Variants in PLPPR1 observed in about 807,000 individuals in gnomAD.
PLPPR1 encodes the protein phospholipid phosphatase related 1.
Under a neutral mutation model 33.1 loss-of-function variants are expected in PLPPR1, and 10 were observed. The ratio of observed to expected loss-of-function variants is 0.30; its 90% CI spans 0.19 to 0.51. PLPPR1 has a LOEUF of 0.51. PLPPR1 is among the 20% of genes least tolerant of loss of function. The pLI is 0.97. For missense variants in PLPPR1, 304 were observed against 408.1 expected, an observed-to-expected ratio of 0.74 and a Z score of 2.20; for synonymous variants, 151 against 151.0, an observed-to-expected ratio of 1.00 and a Z score of 0.00.
intron 3 of PLPPR1, among the ~76,000 whole-genome samples, chr9:101,270,603 T>C (rs1390652797): frequency 1.3e-5 from 2 of 152,186 alleles, no homozygotes; most frequent in Non-Finnish European, 2.9e-5. Context: ...TACATCACAT[T>C]AAATTAAGTT....
At chr9:101,045,117 T>C (rs1036266958) in intron 1 of PLPPR1, among the ~76,000 whole-genome samples, 11 of 152,166 alleles carry the variant, frequency 7.2e-5, no homozygotes, top group Non-Finnish European at 1.5e-4. Context: ...CACCAAGGTC[T>C]TGCCAGACAT....
chr9:101,157,441 G>A (rs1831710796), intron 1 of PLPPR1, among the ~76,000 whole-genome samples: 1 of 152,168 alleles, frequency 6.6e-6, no homozygotes, highest in African/African-American at 2.4e-5. Flanking sequence ...GTGCCTATAT[G>A]TGTCTAAATT....
At chr9:101,109,178 C>T (rs71509724) in intron 1 of PLPPR1, among the ~76,000 whole-genome samples, 17,939 of 143,148 alleles carry the variant, frequency 0.13, 1,304 homozygotes, top group East Asian at 0.36. Context: ...GGGGTTTCAC[C>T]GTAGCCAGGA....
At chr9:101,216,317 T>A (rs1415341111) in intron 2 of PLPPR1, among the ~76,000 whole-genome samples, 1 of 152,234 alleles carries the variant, frequency 6.6e-6, no homozygotes, top group Non-Finnish European at 1.5e-5. Context: ...TGGCCATTTG[T>A]ATGTCTTCTT....
intron 2 of PLPPR1, among the ~76,000 whole-genome samples, chr9:101,203,192 A>G (rs1826522953): frequency 1.3e-5 from 2 of 152,170 alleles, no homozygotes; most frequent in South Asian, 2.1e-4. Context: ...ATTCTTTCAC[A>G]TTATTGGTAT....
At chr9:101,172,643 A>G (rs1217645471) in intron 1 of PLPPR1, among the ~76,000 whole-genome samples, 1 of 152,014 alleles carries the variant, frequency 6.6e-6, no homozygotes, top group Non-Finnish European at 1.5e-5. Context: ...TGAAGACTCA[A>G]GGTCCCTCTG....
chr9:101,238,293 C>CTATATATATATATATATATATATATATA (rs1307945596), intron 2 of PLPPR1, among the ~76,000 whole-genome samples: 6 of 130,346 alleles, frequency 4.6e-5, no homozygotes, highest in Admixed American at 7.7e-5. Context: ...TATACATACC[C>CTATATATATATATATATATATATATATA]TATATATATA....
At chr9:101,189,608 A>G (rs965156244) in intron 2 of PLPPR1, among the ~76,000 whole-genome samples, 1 of 152,078 alleles carries the variant, frequency 6.6e-6, no homozygotes, top group African/African-American at 2.4e-5. Flanking sequence ...ACTAGCTAGG[A>G]CTTATTGTGT....
At chr9:101,144,388 T>G (rs1002596101) in intron 1 of PLPPR1, among the ~76,000 whole-genome samples, 4 of 152,166 alleles carry the variant, frequency 2.6e-5, no homozygotes, top group Admixed American at 2.0e-4. Flanking sequence ...GTAGTGCACA[T>G]GTGCCCTAGA....
At chr9:101,059,838 A>G (rs1415642558) in intron 1 of PLPPR1, among the ~76,000 whole-genome samples, 15 of 152,076 alleles carry the variant, frequency 9.9e-5, no homozygotes, top group Admixed American at 9.8e-4. Context: ...GGATGTGGAG[A>G]AAAGGGAACC....
intron 2 of PLPPR1, among the ~76,000 whole-genome samples, chr9:101,206,522 G>A (rs1277154608): frequency 7.2e-5 from 11 of 152,110 alleles, no homozygotes; most frequent in African/African-American, 2.7e-4. Context: ...TTTCTGTTCT[G>A]TGCTTTTGAG....
chr9:101,263,284 C>G (rs982415073), intron 2 of PLPPR1, among the ~76,000 whole-genome samples: 1 of 152,166 alleles, frequency 6.6e-6, no homozygotes, highest in African/African-American at 2.4e-5. Context: ...CAGAAGTATT[C>G]TGCTTATCCT....
chr9:101,271,525 G>T (rs143797338), intron 3 of PLPPR1, among the ~76,000 whole-genome samples: 1 of 152,036 alleles, frequency 6.6e-6, no homozygotes, highest in Non-Finnish European at 1.5e-5. Context: ...TCAGAGGAAG[G>T]GTAATCTCTG....
chr9:101,232,887 G>C (rs1282107225), intron 2 of PLPPR1, among the ~76,000 whole-genome samples: 1 of 151,924 alleles, frequency 6.6e-6, no homozygotes, highest in African/African-American at 2.4e-5. Context: ...GGTACCTAAA[G>C]ACTTCCCTTT....
At chr9:101,136,040 T>TA (rs1244021133) in intron 1 of PLPPR1, among the ~76,000 whole-genome samples, 3 of 152,236 alleles carry the variant, frequency 2.0e-5, no homozygotes, top group African/African-American at 7.2e-5. Context: ...GTTTCTCTGA[T>TA]ACGTTTTTCC....
intron 2 of PLPPR1, among the ~76,000 whole-genome samples, chr9:101,213,437 A>G (rs1826723691): frequency 6.6e-6 from 1 of 152,198 alleles, no homozygotes; most frequent in Non-Finnish European, 1.5e-5. Flanking sequence ...GGAAATTCTA[A>G]GGTTATTAAA....
intron 1 of PLPPR1, among the ~76,000 whole-genome samples, chr9:101,095,198 T>C (rs1384713293): frequency 6.6e-6 from 1 of 152,202 alleles, no homozygotes; most frequent in Non-Finnish European, 1.5e-5. Flanking sequence ...AATAGGATGG[T>C]ACTTTAGACT....
intron 4 of PLPPR1, among the ~76,000 whole-genome samples, chr9:101,303,532 C>T (rs982954361): frequency 2.0e-5 from 3 of 152,124 alleles, no homozygotes; most frequent in Non-Finnish European, 2.9e-5. Context: ...AACTCCTGAG[C>T]TCAGGTGATC....
chr9:101,120,421 A>G (rs546133230), intron 1 of PLPPR1, among the ~76,000 whole-genome samples: 3 of 152,336 alleles, frequency 2.0e-5, no homozygotes, highest in East Asian at 3.9e-4. Context: ...TTATCCTTGT[A>G]TCATCTATAT....
Sources: gnomAD v4.1 joint callset for allele counts (sites outside exome capture counted in the v4.1 genomes callset) on GRCh38, gnomAD v4.1.1 for gene constraint, MANE v1.5 for transcripts, NCBI Gene and HGNC (gene_info 2026-07-23, HGNC 2026-07-21) for gene names.